DGKB: variants seen among roughly 807,000 people sequenced by gnomAD.
DGKB encodes 90 kDa diacylglycerol kinase.
DGKB carries 67 observed loss-of-function variants against 114.3 expected under a neutral mutation model. That is an observed-to-expected ratio of 0.59 (90% CI 0.48 to 0.72). DGKB has a LOEUF of 0.72. Among genes scored for constraint, DGKB ranks in the 30% least tolerant of loss-of-function variants. The pLI is 0.00. For missense variants in DGKB, 907 were observed against 975.2 expected (o/e 0.93, Z 0.93); for synonymous variants, 398 against 323.1 (o/e 1.23, Z -2.49).
chr7:14,755,647 T>C (rs1364566677), intron 3 of DGKB, among the ~76,000 whole-genome samples: 1 of 152,144 alleles, frequency 6.6e-6, no homozygotes, highest in African/African-American at 2.4e-5. Flanking sequence ...TAATTTTTTA[T>C]AAATTGGATG....
intron 1 of DGKB, among the ~76,000 whole-genome samples, chr7:14,852,507 A>G (rs1417214072): frequency 6.9e-6 from 1 of 144,504 alleles, no homozygotes; most frequent in African/African-American, 2.5e-5. Flanking sequence ...ACAGAAATCA[A>G]GCATAGTACA....
chr7:14,160,362 A>G (rs1013889962), intron 25 of DGKB, among the ~76,000 whole-genome samples: 1 of 152,134 alleles, frequency 6.6e-6, no homozygotes, highest in Admixed American at 6.5e-5. Flanking sequence ...ACATGATTGT[A>G]TATTTAGAAA....
intron 1 of DGKB, among the ~76,000 whole-genome samples, chr7:14,946,083 A>C (rs1457965068): frequency 6.6e-6 from 1 of 151,242 alleles, no homozygotes; most frequent in Non-Finnish European, 1.5e-5. Flanking sequence ...AATATTATTA[A>C]TATATGGGTA....
chr7:14,526,496 A>C (rs1790665724), intron 20 of DGKB, among the ~76,000 whole-genome samples: 2 of 152,152 alleles, frequency 1.3e-5, no homozygotes, highest in African/African-American at 4.8e-5. Flanking sequence ...AGCTCAAACA[A>C]TGGGAAGAGT....
intron 2 of DGKB, among the ~76,000 whole-genome samples, chr7:14,811,296 C>T (rs111964913): frequency 6.6e-6 from 1 of 152,162 alleles, no homozygotes; most frequent in Non-Finnish European, 1.5e-5. Context: ...CAGCTTCAAA[C>T]TTCCAGGATC....
At chr7:14,815,919 T>C (rs1028960519) in intron 2 of DGKB, among the ~76,000 whole-genome samples, 2 of 152,180 alleles carry the variant, frequency 1.3e-5, no homozygotes, top group African/African-American at 4.8e-5. Context: ...CAGGTGAAAC[T>C]GAAGGAAGAA....
Position 14,392,995 on chromosome 7 carries a change from G to GTTTTGTTGTTTTTTTTTTTT in DGKB, c.1836-47605_1836-47604insAAAAAAAAAAAACAACAAAA, listed in dbSNP as rs1554404749. Among the ~76,000 whole-genome samples, 80 of 60,544 alleles carry GTTTTGTTGTTTTTTTTTTTT rather than the reference G, an allele frequency of 1.3e-3. 7 individuals are homozygous for GTTTTGTTGTTTTTTTTTTTT. Among genetic ancestry groups the GTTTTGTTGTTTTTTTTTTTT allele is most frequent in the African/African-American group, 3.6e-3 (75 of 20,682 alleles). The allele number at this position is 60,544 out of a possible 152,430, so 39.7% of individuals were successfully genotyped here. ...CAAAACAGACCTGTTTTTTGTTTTT[G>GTTTTGTTGTTTTTTTTTTTT]TTTTTTTTTTTTTGAGACGGAGTCT... On this transcript the variant is annotated intron_variant, in intron 21 of 25. Transcript: ENST00000402815.
At chr7:14,800,994 C>T (rs914495339) in intron 2 of DGKB, among the ~76,000 whole-genome samples, 3 of 152,114 alleles carry the variant, frequency 2.0e-5, no homozygotes, top group African/African-American at 7.2e-5. Flanking sequence ...CCACCTAAAA[C>T]CATGTGATCA....
At chr7:14,283,287 C>G (rs1357609021) in intron 23 of DGKB, among the ~76,000 whole-genome samples, 1 of 151,174 alleles carries the variant, frequency 6.6e-6, no homozygotes, top group African/African-American at 2.4e-5. Flanking sequence ...AATAAAATAC[C>G]TAGGAATCCA....
chr7:14,777,793 G>T (rs887612232), intron 2 of DGKB, among the ~76,000 whole-genome samples: 1 of 152,082 alleles, frequency 6.6e-6, no homozygotes, highest in Admixed American at 6.5e-5. Context: ...ATTCCTAAAG[G>T]TAGTGTGAAC....
Position 14,955,580 on chromosome 7 carries a change from C to T in DGKB, c.-188+19116G>A, listed in dbSNP as rs192958951. Among the ~76,000 whole-genome samples, 6 of 152,052 alleles carry T rather than the reference C, an allele frequency of 3.9e-5. No individual in the cohort carries two copies. In the East Asian group the frequency reaches 7.8e-4, roughly 20 times the overall value. On this transcript the variant is annotated intron_variant, in intron 1 of 4. Coordinates refer to the DGKB transcript ENST00000437998. ...AAATAACTAACAGCATTGATGTAAA[C>T]GTTCAGTTTAAGCAAAGCCTAAAGC... is the stretch of plus-strand genomic sequence containing the variant.
At chr7:14,746,477 T>C (rs1723257) in intron 4 of DGKB, among the ~76,000 whole-genome samples, 31,234 of 152,090 alleles carry the variant, frequency 0.21, 6,016 homozygotes, top group African/African-American at 0.51. Flanking sequence ...TTAGATACAT[T>C]TTTAAGTTAC....
intron 20 of DGKB, among the ~76,000 whole-genome samples, chr7:14,521,121 C>G (rs1789699005): frequency 6.6e-6 from 1 of 151,944 alleles, no homozygotes; most frequent in Admixed American, 6.6e-5. Context: ...TATGTTGCTG[C>G]CTTCAAACTC....
At chr7:14,278,173 C>G (rs924001050) in intron 23 of DGKB, among the ~76,000 whole-genome samples, 1 of 150,986 alleles carries the variant, frequency 6.6e-6, no homozygotes, top group Non-Finnish European at 1.5e-5. Flanking sequence ...CACAAAAGAC[C>G]CTGAATAACC....
chr7:14,946,980 C>T lies in DGKB; in HGVS notation c.-188+27716G>A, dbSNP rs190263899. 2.3e-4 allele frequency among the ~76,000 whole-genome samples: 35 copies of T among 151,492 alleles called. No individual in the cohort carries two copies. The East Asian group carries it at 2.5e-3, about 11-fold the overall frequency. ...TAACAATTAAGAAATAAGTCATACT[C>T]TAAGAACATATTTTAAGAAGTGTTG... On this transcript the variant is annotated intron_variant, in intron 1 of 4. Transcript: ENST00000437998.
intron 23 of DGKB, among the ~76,000 whole-genome samples, chr7:14,283,099 T>A (rs1800250245): frequency 6.6e-6 from 1 of 151,748 alleles, no homozygotes; most frequent in South Asian, 2.1e-4. Context: ...GACATGATTA[T>A]ATATCTAGAA....
At chr7:14,206,381 G>A (rs1407785736) in intron 23 of DGKB, among the ~76,000 whole-genome samples, 1 of 152,038 alleles carries the variant, frequency 6.6e-6, no homozygotes, top group African/African-American at 2.4e-5. Context: ...GGTGATGGTG[G>A]TTTCAGGAGG....
chr7:14,231,732 T>C (rs1791892248), intron 23 of DGKB, among the ~76,000 whole-genome samples: 1 of 152,004 alleles, frequency 6.6e-6, no homozygotes, highest in African/African-American at 2.4e-5. Flanking sequence ...CTGTGTTCTA[T>C]TCCCTAATAG....
intron 1 of DGKB, among the ~76,000 whole-genome samples, chr7:14,877,373 T>A (rs1052484987): frequency 2.6e-5 from 4 of 152,028 alleles, no homozygotes. Flanking sequence ...CTGACCAACA[T>A]GGAGAAACCC....
Sources: gnomAD v4.1 joint callset for allele counts (sites outside exome capture counted in the v4.1 genomes callset) on GRCh38, gnomAD v4.1.1 for gene constraint, MANE v1.5 for transcripts, NCBI Gene and HGNC (gene_info 2026-07-23, HGNC 2026-07-21) for gene names.